The following YWHAZ variants were observed in gnomAD, a reference collection of about 807,000 sequenced individuals.
The protein encoded by YWHAZ is 14-3-3 protein zeta/delta.
For missense variants in YWHAZ, 79 were observed against 284.8 expected, an observed-to-expected ratio of 0.28 and a Z score of 5.20; for synonymous variants, 87 against 103.6, an observed-to-expected ratio of 0.84 and a Z score of 0.97.
rs546196033 is a variant in YWHAZ, at chr8:100,927,830, C to T, written c.295-2791G>A. Among the ~76,000 whole-genome samples, 3 of 152,304 alleles carry T rather than the reference C, an allele frequency of 2.0e-5. No individual in the cohort carries two copies. In the South Asian group the frequency reaches 6.2e-4, roughly 32 times the overall value. On this transcript the variant is annotated intron_variant, in intron 2 of 5. Transcript: ENST00000395958. ...GCACTTCTTTCCCCAAAGCTGAACA[C>T]TGAATTAACCATAAAACAACTTTAA...
At chr8:100,937,990 C>T (rs555655899) in intron 2 of YWHAZ, among the ~76,000 whole-genome samples, 2 of 152,074 alleles carry the variant, frequency 1.3e-5, no homozygotes, top group African/African-American at 2.4e-5. Flanking sequence ...ATTAGCTGGG[C>T]GTGGTGGCGC....
At chr8:100,938,235 AT>A (rs1814312222) in intron 2 of YWHAZ, among the ~76,000 whole-genome samples, 1 of 152,204 alleles carries the variant, frequency 6.6e-6, no homozygotes, top group South Asian at 2.1e-4. Context: ...TTGATAGCAG[AT>A]TAAATGTCAT....
Position 100,924,366 on chromosome 8 carries a change from C to G in YWHAZ, c.419-68G>C. 2 of 1,471,312 alleles carry G rather than the reference C, an allele frequency of 1.4e-6. No individual in the cohort carries two copies. The highest frequency in any genetic ancestry group is 1.8e-6 in the Non-Finnish European group (2 of 1,091,338). The allele number at this position is 1,471,312 out of a possible 1,614,324, so 91.1% of individuals were successfully genotyped here. On this transcript the variant is annotated intron_variant, in intron 3 of 5. Coordinates refer to ENST00000395958, the MANE Select transcript of YWHAZ (RefSeq NM_145690.3). The surrounding 1 kb of genome is among the most constrained non-coding windows in gnomAD (Gnocchi z 5.7). ...TATATCTTCACCCCTCAAACCAAACCTTTAATATCTCACATATCCTTTGAA... is the reference window on the plus strand; with the variant it reads ...TATATCTTCACCCCTCAAACCAAACGTTTAATATCTCACATATCCTTTGAA...
At chr8:100,938,043 T>C (rs1563681288) in intron 2 of YWHAZ, among the ~76,000 whole-genome samples, 1 of 152,110 alleles carries the variant, frequency 6.6e-6, no homozygotes, top group Non-Finnish European at 1.5e-5. Flanking sequence ...GGCGGGAGAA[T>C]CACTTGAACC....
chr8:100,929,173 A>G (rs1424868638), intron 2 of YWHAZ, among the ~76,000 whole-genome samples: 1 of 151,880 alleles, frequency 6.6e-6, no homozygotes, highest in African/African-American at 2.4e-5. Flanking sequence ...AATCAGAGTA[A>G]CTGGGATATC....
At position 100,922,724 on chromosome 8, in the gene YWHAZ, T is replaced by C. The variant is rs1217288248; in HGVS notation, c.678+1231A>G. ...ATTGCAATATGCGCTCTTCATGCTA[T>C]ACTGATAGCAAAATTCAGTTGGAAG... On this transcript the variant is annotated intron_variant, in intron 5 of 5. Transcript: ENST00000395958. The surrounding 1 kb of genome is among the most constrained non-coding windows in gnomAD (Gnocchi z 4.1). The C allele has an allele frequency of 1.3e-5, 2 of 152,214 alleles. No individual in the cohort carries two copies. The highest frequency in any genetic ancestry group is 2.9e-5 in the Non-Finnish European group (2 of 68,052). 9.4% of individuals were successfully genotyped at this position (152,214 alleles called of 1,614,324 possible).
At chr8:100,951,684 G>A (rs369606990) in intron 1 of YWHAZ, 2 of 985,268 alleles carry the variant, frequency 2.0e-6, no homozygotes, top group African/African-American at 1.7e-5. Context: ...GGACGGGGGA[G>A]CGAGCACCGA....
At chr8:100,940,567 T>C (rs1422116485) in intron 2 of YWHAZ, among the ~76,000 whole-genome samples, 1 of 152,218 alleles carries the variant, frequency 6.6e-6, no homozygotes, top group African/African-American at 2.4e-5. Flanking sequence ...AAATATTAAA[T>C]AAAAAATTTC....
intron 2 of YWHAZ, among the ~76,000 whole-genome samples, chr8:100,926,550 T>TA (rs1368530516): frequency 6.6e-6 from 1 of 152,098 alleles, no homozygotes; most frequent in African/African-American, 2.4e-5. Flanking sequence ...GCCCGAGAGA[T>TA]AGAGGCTGCA....
chr8:100,940,089 T>C (rs1814527832), intron 2 of YWHAZ, among the ~76,000 whole-genome samples: 1 of 146,026 alleles, frequency 6.8e-6, no homozygotes, highest in Non-Finnish European at 1.5e-5. Flanking sequence ...AGTGAAACAC[T>C]AACAAGTATC....
At position 100,936,986 on chromosome 8, in the gene YWHAZ, T is replaced by C. The variant is rs1429129032; in HGVS notation, c.294+11610A>G. On this transcript the variant is annotated intron_variant, in intron 2 of 5. Transcript: ENST00000395958. ...GTAAGCAAAATGCAAAGTGTAATTC[T>C]GGATGGAATTCTGGAGCAGAAACAG... is the stretch of plus-strand genomic sequence containing the variant. Among the ~76,000 whole-genome samples, 6 of 152,236 alleles carry C rather than the reference T, an allele frequency of 3.9e-5. No individual in the cohort carries two copies. The East Asian group carries it at 1.2e-3, about 29-fold the overall frequency.
At chr8:100,934,230 G>A (rs546157381) in intron 2 of YWHAZ, among the ~76,000 whole-genome samples, 1 of 147,646 alleles carries the variant, frequency 6.8e-6, no homozygotes, top group South Asian at 2.1e-4. Context: ...CTACTCCAAA[G>A]GCTGAGATGG....
chr8:100,920,802 G>A (rs766684560), intron 5 of YWHAZ, 50 bp from the exon 6 acceptor site: 5 of 830,136 alleles, frequency 6.0e-6, no homozygotes, highest in Admixed American at 4.4e-5. Flanking sequence ...GGATGGGGGG[G>A]GGGGGGCGTT....
At chr8:100,927,582 CTA>C (rs1169023299) in intron 2 of YWHAZ, among the ~76,000 whole-genome samples, 1 of 152,166 alleles carries the variant, frequency 6.6e-6, no homozygotes, top group Admixed American at 6.5e-5. Flanking sequence ...TTAACCCCCT[CTA>C]TGTATGCAGA....
chr8:100,947,751 A>G (rs550078426), intron 2 of YWHAZ, among the ~76,000 whole-genome samples: 1 of 152,312 alleles, frequency 6.6e-6, no homozygotes, highest in African/African-American at 2.4e-5. Flanking sequence ...GTCCAGAAAA[A>G]TCGAGATGCT....
In YWHAZ at chr8:100,924,899, G is replaced by A. The variant is rs577441650; in HGVS notation, c.418+17C>T. ...TATCTTATACAAGTTCAACCAACAGGTTTAAAAACAGCATACCTTTCTTGT... is the reference window on the plus strand; with the variant it reads ...TATCTTATACAAGTTCAACCAACAGATTTAAAAACAGCATACCTTTCTTGT... On this transcript the variant is annotated intron_variant, in intron 3 of 5. Transcript: ENST00000395958. The surrounding 1 kb of genome is among the most constrained non-coding windows in gnomAD (Gnocchi z 5.7). The A allele has an allele frequency of 3.1e-6, 5 of 1,611,440 alleles. No homozygotes were observed. In the South Asian group the frequency reaches 3.3e-5, roughly 11 times the overall value.
intron 1 of YWHAZ, 149 bp downstream of exon 1, chr8:100,951,779 GC>G: frequency 1.0e-6 from 1 of 985,354 alleles, no homozygotes; most frequent in Non-Finnish European, 1.2e-6. Context: ...AGGAGCCGCC[GC>G]CCGTGTCCGC....
In YWHAZ at chr8:100,920,109, G is replaced by A. The variant is rs974469560; in HGVS notation, c.*584C>T. ...CTTTACAAATAATGGAATGTGAACC[G>A]TTTCTGCCCTTATCCAGAGTAAAAT... On this transcript the variant is annotated 3_prime_UTR_variant, in exon 6 of 6. Coordinates refer to ENST00000395958, the MANE Select transcript of YWHAZ (RefSeq NM_145690.3). The A allele has an allele frequency of 1.3e-5, 2 of 152,542 alleles. No individual in the cohort carries two copies. The highest frequency in any genetic ancestry group is 2.4e-5 in the African/African-American group (1 of 41,384). The allele number at this position is 152,542 out of a possible 1,614,324, so 9.4% of individuals were successfully genotyped here.
In YWHAZ at chr8:100,918,695, G is replaced by A. The variant is rs1231442362; in HGVS notation, c.*1998C>T. The A allele has an allele frequency of 6.6e-6, 1 of 152,222 alleles. No individual in the cohort carries two copies. Among genetic ancestry groups the A allele is most frequent in the Non-Finnish European group, 1.5e-5 (1 of 67,980 alleles). The allele number at this position is 152,222 out of a possible 1,614,324, so 9.4% of individuals were successfully genotyped here. A position where few individuals can be genotyped will look rare whatever the true frequency, so the allele number is the denominator to read the frequency against. The stretch of plus-strand genomic sequence containing the variant: ...CAACAAAACAGTGTTTGGGATTTCA[G>A]TTTCTCACCCTTATCATCAAGACTC... On this transcript the variant is annotated 3_prime_UTR_variant, in exon 6 of 6. Coordinates refer to ENST00000395958, the MANE Select transcript of YWHAZ (RefSeq NM_145690.3).
Sources: gnomAD v4.1 joint callset for allele counts (sites outside exome capture counted in the v4.1 genomes callset) on GRCh38, gnomAD v4.1.1 for gene constraint, Gnocchi (gnomAD v3.1) non-coding constraint, MANE v1.5 for transcripts, NCBI Gene and HGNC (gene_info 2026-07-23, HGNC 2026-07-21) for gene names.